Variants in ARPC1A observed in about 807,000 individuals in gnomAD.
ARPC1A encodes the protein actin-related protein 2/3 complex subunit 1A.
Under a neutral mutation model 46.9 loss-of-function variants are expected in ARPC1A, and 8 were observed. The observed-to-expected ratio is 0.17, with a 90% confidence interval of 0.10 to 0.31. The LOEUF is 0.31. ARPC1A is among the 10% of genes least tolerant of loss of function. The probability of loss-of-function intolerance (pLI) is 1.00; values close to 1 mark genes in which losing one functional copy is unlikely to be tolerated. For synonymous variants in ARPC1A, 152 were observed against 169.0 expected (o/e 0.90, Z 0.78); for missense variants, 286 against 483.6 (o/e 0.59, Z 3.83).
At chr7:99,362,330 GC>G (rs145306692) in intron 8 of ARPC1A, among the ~76,000 whole-genome samples, 1 of 110,608 alleles carries the variant, frequency 9.0e-6, no homozygotes, top group East Asian at 3.2e-4. Flanking sequence ...GTAAAACCCC[GC>G]CCCCCTTTTT....
At chr7:99,344,999 G>A (rs1015148685) in intron 4 of ARPC1A, among the ~76,000 whole-genome samples, 2 of 124,262 alleles carry the variant, frequency 1.6e-5, no homozygotes, top group African/African-American at 3.1e-5. Context: ...GCAGTGACAC[G>A]ATCATGGCTC....
At chr7:99,327,111 A>G (rs1793059816) in intron 1 of ARPC1A, among the ~76,000 whole-genome samples, 1 of 151,986 alleles carries the variant, frequency 6.6e-6, no homozygotes, top group Non-Finnish European at 1.5e-5. Context: ...GTTTTCAGGT[A>G]TCTAAAAACA....
At position 99,358,346 on chromosome 7, in the gene ARPC1A, G is replaced by A. The variant is rs1321817562; in HGVS notation, c.720G>A (p.Ser240=). 7 of 1,613,952 alleles carry A rather than the reference G, an allele frequency of 4.3e-6. No homozygotes were observed. The East Asian group carries it at 6.7e-5, about 15-fold the overall frequency. The change falls in exon 7 of 10, where the codon TCG becomes TCA. Residue 240 remains serine (S), a synonymous_variant. Coordinates refer to ENST00000262942, the MANE Select transcript of ARPC1A (RefSeq NM_006409.4). ...CACATGTTCTTGTGTTCAGGGTCTCGACTCTGAAGACAGAGTTCCTGCCGC... is the reference window on the plus strand; with the variant it reads ...CACATGTTCTTGTGTTCAGGGTCTCAACTCTGAAGACAGAGTTCCTGCCGC... ...VADASKSVQV[S]TLKTEFLPLL...
At chr7:99,353,547 G>C (rs143603008) in intron 5 of ARPC1A, among the ~76,000 whole-genome samples, 16,593 of 150,682 alleles carry the variant, frequency 0.11, 2,404 homozygotes, top group African/African-American at 0.33. Context: ...GCGTGATCTC[G>C]GCTCACTGCA....
At chr7:99,354,453 A>C (rs1793598124) in intron 6 of ARPC1A, among the ~76,000 whole-genome samples, 1 of 147,704 alleles carries the variant, frequency 6.8e-6, no homozygotes. Flanking sequence ...CCTGGGAGGC[A>C]GAGGTTGTAG....
chr7:99,362,578 G>A (rs1393639297), intron 8 of ARPC1A, among the ~76,000 whole-genome samples: 3 of 148,526 alleles, frequency 2.0e-5, no homozygotes, highest in Admixed American at 6.8e-5. Context: ...TCCTGACCTC[G>A]TGATCTGCCC....
At position 99,366,118 on chromosome 7, in the gene ARPC1A, G is replaced by GT. The variant is rs1478881691; in HGVS notation, c.*196dup. ...TTTTAAGGCAGTAATTTTTTTGTTT[G>GT]TTTTTTTGCGATTTCATTCCATTCT... On this transcript the variant is annotated 3_prime_UTR_variant, in exon 10 of 10. Transcript: ENST00000262942. The GT allele has an allele frequency of 3.1e-5, 21 of 667,112 alleles. No individual in the cohort carries two copies. The highest frequency in any genetic ancestry group is 6.1e-5 in the South Asian group (3 of 48,808). The allele number at this position is 667,112 out of a possible 1,614,324, so 41.3% of individuals were successfully genotyped here. A position where few individuals can be genotyped will look rare whatever the true frequency, so the allele number is the denominator to read the frequency against.
intron 1 of ARPC1A, among the ~76,000 whole-genome samples, chr7:99,330,685 CT>C (rs1302765665): frequency 2.6e-5 from 4 of 152,154 alleles, no homozygotes; most frequent in Non-Finnish European, 5.9e-5. Flanking sequence ...GTCAGCTGAA[CT>C]TTCATTGTTC....
At chr7:99,333,926 C>T (rs936675016) in intron 2 of ARPC1A, among the ~76,000 whole-genome samples, 4 of 151,276 alleles carry the variant, frequency 2.6e-5, no homozygotes, top group African/African-American at 4.9e-5. Flanking sequence ...ATCTTGAGCT[C>T]AAGAGTTCAA....
intron 1 of ARPC1A, among the ~76,000 whole-genome samples, chr7:99,331,830 G>A (rs1793148941): frequency 6.6e-6 from 1 of 152,116 alleles, no homozygotes; most frequent in Admixed American, 6.6e-5. Flanking sequence ...GAGGCAGGAG[G>A]ATCACCTGAG....
intron 3 of ARPC1A, among the ~76,000 whole-genome samples, chr7:99,339,066 G>A (rs1793315074): frequency 6.6e-6 from 1 of 152,110 alleles, no homozygotes. Flanking sequence ...CCTGTGCCAG[G>A]AAGTAATTTC....
intron 3 of ARPC1A, chr7:99,339,813 C>T (rs1437609186): frequency 1.6e-5 from 5 of 310,630 alleles, no homozygotes; most frequent in South Asian, 2.6e-5. Context: ...GATTTCTGTA[C>T]GTATGTGTGA....
intron 1 of ARPC1A, among the ~76,000 whole-genome samples, chr7:99,332,464 T>C (rs1018905904): frequency 6.6e-6 from 1 of 152,202 alleles, no homozygotes; most frequent in Non-Finnish European, 1.5e-5. Context: ...ATAAGCAATC[T>C]GTGGGATGAT....
At chr7:99,358,495 T>A in intron 7 of ARPC1A, 80 bp downstream of exon 7, 1 of 1,204,904 alleles carries the variant, frequency 8.3e-7, no homozygotes, top group Non-Finnish European at 1.2e-6. Context: ...TCTGTCACCC[T>A]AGCACAAAGC....
chr7:99,337,474 G>A (rs748736070), intron 2 of ARPC1A, among the ~76,000 whole-genome samples: 7 of 152,128 alleles, frequency 4.6e-5, no homozygotes, highest in South Asian at 2.1e-4. Flanking sequence ...AGAGCATTGC[G>A]TTTGAGCATG....
intron 3 of ARPC1A, among the ~76,000 whole-genome samples, chr7:99,341,034 T>C (rs1204957353): frequency 6.6e-6 from 1 of 152,154 alleles, no homozygotes; most frequent in Non-Finnish European, 1.5e-5. Context: ...TTAGGCCGGG[T>C]GCGGTGGCTC....
chr7:99,326,326 G>A (rs1303913373), intron 1 of ARPC1A, among the ~76,000 whole-genome samples: 1 of 152,186 alleles, frequency 6.6e-6, no homozygotes, highest in African/African-American at 2.4e-5. Context: ...TCAAGTAGGA[G>A]GATCTCCCGT....
At chr7:99,335,487 A>T (rs1213985083) in intron 2 of ARPC1A, 8 of 373,878 alleles carry the variant, frequency 2.1e-5, no homozygotes, top group African/African-American at 1.1e-4. Flanking sequence ...GCTTGGTGGT[A>T]AGTTTTGAAA....
Position 99,344,369 on chromosome 7 carries a change from A to G in ARPC1A, c.246A>G (p.Lys82=), listed in dbSNP as rs948990159. The part of the protein sequence containing the change: ...ADRNAYVWSQ[K]DGVWKPTLVI... ...GCAATGCCTATGTCTGGAGTCAGAAAGATGGTGTTTGGAAGCCAACCCTGG... is the reference window on the plus strand; with the variant it reads ...GCAATGCCTATGTCTGGAGTCAGAAGGATGGTGTTTGGAAGCCAACCCTGG... Residue 82 remains lysine, a synonymous_variant, in exon 4 of 10, where the codon AAA becomes AAG. Coordinates refer to ENST00000262942, the MANE Select transcript of ARPC1A (RefSeq NM_006409.4). The G allele has an allele frequency of 6.8e-6, 11 of 1,613,900 alleles. No individual in the cohort carries two copies. Among genetic ancestry groups the G allele is most frequent in the Non-Finnish European group, 9.3e-6 (11 of 1,179,880 alleles).
Sources: allele counts gnomAD v4.1 joint callset (sites outside exome capture counted in the v4.1 genomes callset), GRCh38; gene constraint gnomAD v4.1.1; transcripts MANE v1.5; gene names NCBI Gene and HGNC (gene_info 2026-07-23, HGNC 2026-07-21).